Variants in TXNDC12 observed in about 807,000 individuals in gnomAD.
TXNDC12 encodes the protein thioredoxin domain containing 12, also known as thioredoxin domain-containing protein 12.
In TXNDC12, 22 loss-of-function variants were observed where a neutral mutation model predicts 24.2. That is an observed-to-expected ratio of 0.91 (90% confidence interval 0.65 to 1.30). TXNDC12 has a LOEUF of 1.30. Ranked by LOEUF, TXNDC12 falls within the 50% of genes most tolerant of loss-of-function variation. The pLI, the probability that TXNDC12 is intolerant of heterozygous loss-of-function variation, is 0.00. For missense variants in TXNDC12, 184 were observed against 205.8 expected (o/e 0.89, Z 0.65); for synonymous variants, 58 against 73.4 (o/e 0.79, Z 1.07).
In TXNDC12 at chr1:52,047,586, C is replaced by T. The variant is rs74331081; in HGVS notation, c.98-5989G>A. ...TGTCTGTATAGCAATTTATAATGCC[C>T]GATTTGTAGAGTTAAAAAAGAAAGA... On this transcript the variant is annotated intron_variant, in intron 1 of 6. Transcript: ENST00000371626. Among the ~76,000 whole-genome samples the T allele has an allele frequency of 8.5e-3, 1,297 of 151,908 alleles. 16 individuals are homozygous for T. Among genetic ancestry groups the T allele is most frequent in the African/African-American group, 0.029 (1,211 of 41,404 alleles).
At chr1:52,030,658 C>A (rs1410263643) in intron 2 of TXNDC12, 1 of 152,210 alleles carries the variant, frequency 6.6e-6, no homozygotes. Context: ...AGTTTCAGAG[C>A]ATGCATGTTT....
chr1:52,023,829 G>C (rs1225347966), intron 5 of TXNDC12, among the ~76,000 whole-genome samples: 3 of 151,984 alleles, frequency 2.0e-5, no homozygotes, highest in African/African-American at 7.3e-5. Context: ...AAAATTATTT[G>C]TGGAAAGACA....
intron 1 of TXNDC12, among the ~76,000 whole-genome samples, chr1:52,051,598 T>C (rs1378704817): frequency 1.3e-5 from 2 of 152,164 alleles, no homozygotes; most frequent in African/African-American, 4.8e-5. Context: ...AGGCTGGTCT[T>C]GAACTCCTGA....
intron 2 of TXNDC12, among the ~76,000 whole-genome samples, chr1:52,035,640 A>G (rs1182041043): frequency 1.3e-5 from 2 of 152,094 alleles, no homozygotes; most frequent in Non-Finnish European, 2.9e-5. Flanking sequence ...TGAACCCGGG[A>G]TGCGGAGGTT....
chr1:52,028,494 C>T, intron 3 of TXNDC12, 84 bp downstream of exon 3: 1 of 1,093,458 alleles, frequency 9.1e-7, no homozygotes. Flanking sequence ...TAGTGCTGGG[C>T]CAGAGTCAGT....
chr1:52,031,166 T>A (rs1685747425), intron 2 of TXNDC12, among the ~76,000 whole-genome samples: 1 of 151,608 alleles, frequency 6.6e-6, no homozygotes. Flanking sequence ...CTATCTTTTT[T>A]TTTTTTTTTT....
chr1:52,037,606 C>G (rs1434849904), intron 2 of TXNDC12, among the ~76,000 whole-genome samples: 1 of 152,216 alleles, frequency 6.6e-6, no homozygotes, highest in East Asian at 1.9e-4. Flanking sequence ...AAAAGGTAGT[C>G]TCTTACTGGC....
intron 5 of TXNDC12, 40 bp downstream of exon 5, chr1:52,024,470 T>A (rs556648322): frequency 6.7e-7 from 1 of 1,492,212 alleles, no homozygotes; most frequent in Admixed American, 1.7e-5. Flanking sequence ...TCTCTCTCCA[T>A]CCACATCATG....
chr1:52,044,319 T>C (rs912738218), intron 1 of TXNDC12: 9 of 152,202 alleles, frequency 5.9e-5, no homozygotes, highest in African/African-American at 1.2e-4. Context: ...AAAATGGAGA[T>C]GAATCTGAAA....
At chr1:52,042,036 G>C (rs1305479231) in intron 1 of TXNDC12, among the ~76,000 whole-genome samples, 1 of 152,148 alleles carries the variant, frequency 6.6e-6, no homozygotes, top group African/African-American at 2.4e-5. Context: ...GTGAATTCTT[G>C]TGAGTGAAGT....
At chr1:52,046,826 G>A (rs1572010728) in intron 1 of TXNDC12, among the ~76,000 whole-genome samples, 1 of 145,846 alleles carries the variant, frequency 6.9e-6, no homozygotes, top group East Asian at 2.0e-4. Flanking sequence ...GACCATCCTG[G>A]CCAACATGGT....
chr1:52,032,208 T>C (rs549794105), intron 2 of TXNDC12: 16 of 985,758 alleles, frequency 1.6e-5, no homozygotes, highest in East Asian at 1.1e-4. Context: ...GATTTATCTG[T>C]GAACTCGGTC....
chr1:52,035,360 T>G (rs1041437100), intron 2 of TXNDC12, among the ~76,000 whole-genome samples: 4 of 152,166 alleles, frequency 2.6e-5, no homozygotes, highest in Non-Finnish European at 4.4e-5. Context: ...TTCTATAAAA[T>G]AACAACTGCT....
At chr1:52,043,377 C>A (rs1392900505) in intron 1 of TXNDC12, among the ~76,000 whole-genome samples, 1 of 152,140 alleles carries the variant, frequency 6.6e-6, no homozygotes, top group Non-Finnish European at 1.5e-5. Flanking sequence ...ATTTGTTGAG[C>A]AAATGAATCT....
chr1:52,041,243 G>C (rs1685983383), intron 2 of TXNDC12, among the ~76,000 whole-genome samples: 1 of 151,948 alleles, frequency 6.6e-6, no homozygotes, highest in South Asian at 2.1e-4. Context: ...TGAGGCAGGA[G>C]AATGGCGTGA....
intron 1 of TXNDC12, among the ~76,000 whole-genome samples, chr1:52,051,248 A>C (rs1686194744): frequency 6.6e-6 from 1 of 152,228 alleles, no homozygotes; most frequent in Non-Finnish European, 1.5e-5. Context: ...TTGGAACTCT[A>C]TAGAACGTTA....
In TXNDC12 at chr1:52,055,105, G is replaced by A. The variant is rs976323065; in HGVS notation, c.-9C>T. The A allele has an allele frequency of 3.1e-6, 5 of 1,610,580 alleles. No individual in the cohort carries two copies. Among genetic ancestry groups the A allele is most frequent in the Non-Finnish European group, 4.2e-6 (5 of 1,177,022 alleles). ...CGAGGCCGCGTCTCCATGGCAGTAG[G>A]TGCGCGGGGCCACGGGGCTGAGCGG... On this transcript the variant is annotated 5_prime_UTR_variant, in exon 1 of 7. Transcript: ENST00000371626.
intron 2 of TXNDC12, among the ~76,000 whole-genome samples, chr1:52,035,760 T>A (rs557038849): frequency 5.7e-4 from 87 of 152,274 alleles, no homozygotes; most frequent in South Asian, 1.2e-3. Flanking sequence ...TTCCCTCCCC[T>A]GCCCTGCCTT....
chr1:52,029,206 T>G (rs773140092), intron 2 of TXNDC12, among the ~76,000 whole-genome samples: 7 of 152,186 alleles, frequency 4.6e-5, no homozygotes, highest in Non-Finnish European at 8.8e-5. Flanking sequence ...TGGTAGCTTA[T>G]ATAAAAAACT....
Sources: gnomAD v4.1 joint callset for allele counts (sites outside exome capture counted in the v4.1 genomes callset) on GRCh38, gnomAD v4.1.1 for gene constraint, MANE v1.5 for transcripts, NCBI Gene and HGNC (gene_info 2026-07-23, HGNC 2026-07-21) for gene names.